Variants in ABTB2 observed in about 807,000 individuals in gnomAD.
The protein encoded by ABTB2 is ankyrin repeat and BTB domain containing 2, also known as ankyrin repeat and BTB/POZ domain-containing protein 2.
Under a neutral mutation model 104.1 loss-of-function variants are expected in ABTB2, and 56 were observed. The observed-to-expected ratio is 0.54, with a 90% CI of 0.43 to 0.67. ABTB2 has a LOEUF of 0.67. Among genes scored for constraint, ABTB2 ranks in the 30% least tolerant of loss-of-function variants. The probability of loss-of-function intolerance (pLI) is 0.00; values close to 1 mark genes in which losing one functional copy is unlikely to be tolerated. For synonymous variants in ABTB2, 606 were observed against 608.2 expected (o/e 1.00, Z 0.05); for missense variants, 1,279 against 1,407.7 (o/e 0.91, Z 1.46).
chr11:34,240,973 G>A (rs1853909256), intron 1 of ABTB2, among the ~76,000 whole-genome samples: 1 of 151,978 alleles, frequency 6.6e-6, no homozygotes, highest in Non-Finnish European at 1.5e-5. Context: ...CCTGAGAGAA[G>A]GGCTGAACTC....
Position 34,164,775 on chromosome 11 carries a change from G to A in ABTB2, c.1899C>T (p.Pro633=), listed in dbSNP as rs770117269. 3 of 1,573,530 alleles carry A rather than the reference G, an allele frequency of 1.9e-6. No homozygotes were observed. Among genetic ancestry groups the A allele is most frequent in the South Asian group, 2.4e-5 (2 of 84,216 alleles). ...VSLLLSRGAD[P]LLSMLEAHGM... ...CGTGGGCCTCCAGCATGCTGAGGAG[G>A]GGGTCGGCGCCTCGGCTCAGCAACA... Residue 633 remains proline (P), a synonymous_variant, in exon 9 of 17, where the codon CCC becomes CCT. Coordinates refer to ENST00000435224, the MANE Select transcript of ABTB2 (RefSeq NM_145804.3).
At chr11:34,332,187 C>T (rs374317223) in intron 1 of ABTB2, among the ~76,000 whole-genome samples, 15 of 152,280 alleles carry the variant, frequency 9.9e-5, no homozygotes, top group South Asian at 4.1e-4. Flanking sequence ...CAGCACTTAA[C>T]GTAAAGGAGG....
intron 1 of ABTB2, among the ~76,000 whole-genome samples, chr11:34,225,573 T>C (rs1238095962): frequency 6.6e-6 from 1 of 151,808 alleles, no homozygotes; most frequent in East Asian, 1.9e-4. Flanking sequence ...CTGACCAACA[T>C]GGAGAAACCC....
intron 1 of ABTB2, among the ~76,000 whole-genome samples, chr11:34,330,527 T>C (rs534502278): frequency 6.6e-6 from 1 of 152,390 alleles, no homozygotes; most frequent in South Asian, 2.1e-4. Flanking sequence ...GAAAGTGCTT[T>C]GTAAAAACCA....
At chr11:34,256,883 T>C (rs916110795) in intron 1 of ABTB2, among the ~76,000 whole-genome samples, 2 of 152,188 alleles carry the variant, frequency 1.3e-5, no homozygotes, top group Non-Finnish European at 2.9e-5. Flanking sequence ...TGGACTGTCA[T>C]GGCTGTGCAG....
At chr11:34,307,659 T>C (rs1854793764) in intron 1 of ABTB2, among the ~76,000 whole-genome samples, 1 of 152,108 alleles carries the variant, frequency 6.6e-6, no homozygotes, top group Non-Finnish European at 1.5e-5. Context: ...CTGATTCTTA[T>C]GTTAATGGTT....
chr11:34,230,619 G>T (rs1853756163), intron 1 of ABTB2, among the ~76,000 whole-genome samples: 2 of 152,080 alleles, frequency 1.3e-5, no homozygotes, highest in Non-Finnish European at 2.9e-5. Flanking sequence ...AGCATCTGTG[G>T]TCATTTATTT....
rs370881474 is a variant in ABTB2 at position 34,221,953 on chromosome 11, G to A, written c.884-17263C>T. On this transcript the variant is annotated intron_variant, in intron 1 of 16. Transcript: ENST00000435224. Reference sequence around the variant, plus strand: ...CTATCTACTTGGGAGGCTGAGGCAGGAGAATAGCTTGAACCTGGGAGGCGG... The same window carrying A: ...CTATCTACTTGGGAGGCTGAGGCAGAAGAATAGCTTGAACCTGGGAGGCGG... Among the ~76,000 whole-genome samples the A allele has an allele frequency of 5.3e-5, 8 of 152,292 alleles. No individual in the cohort carries two copies. The East Asian group carries it at 7.7e-4, about 15-fold the overall frequency.
intron 3 of ABTB2, among the ~76,000 whole-genome samples, chr11:34,184,753 C>G (rs1853075459): frequency 6.6e-6 from 1 of 152,254 alleles, no homozygotes; most frequent in Non-Finnish European, 1.5e-5. Flanking sequence ...GCCGGCATCT[C>G]TCCACCTCAT....
chr11:34,327,434 T>C (rs1855083545), intron 1 of ABTB2, among the ~76,000 whole-genome samples: 1 of 152,118 alleles, frequency 6.6e-6, no homozygotes, highest in African/African-American at 2.4e-5. Flanking sequence ...CCTAGCCACT[T>C]GAGGGCCCAG....
At chr11:34,175,929 C>T (rs1297100513) in intron 3 of ABTB2, among the ~76,000 whole-genome samples, 1 of 152,198 alleles carries the variant, frequency 6.6e-6, no homozygotes, top group Non-Finnish European at 1.5e-5. Context: ...TCCTTCAAGA[C>T]TCCATTCCAA....
At chr11:34,284,104 C>T (rs1296237586) in intron 1 of ABTB2, among the ~76,000 whole-genome samples, 1 of 152,172 alleles carries the variant, frequency 6.6e-6, no homozygotes, top group Non-Finnish European at 1.5e-5. Context: ...TTCTAACGAG[C>T]CCCCAGGTAA....
chr11:34,306,766 G>C (rs540232205), intron 1 of ABTB2, among the ~76,000 whole-genome samples: 1 of 151,738 alleles, frequency 6.6e-6, no homozygotes, highest in South Asian at 2.1e-4. Context: ...AGATTGGAAG[G>C]TACACCACTT....
chr11:34,234,547 A>G (rs551253016), intron 1 of ABTB2, among the ~76,000 whole-genome samples: 2 of 152,162 alleles, frequency 1.3e-5, no homozygotes, highest in African/African-American at 2.4e-5. Context: ...GAGAAATGCA[A>G]TTCTCTCCTG....
chr11:34,198,499 AC>A (rs1056460897), intron 2 of ABTB2, among the ~76,000 whole-genome samples: 1 of 151,792 alleles, frequency 6.6e-6, no homozygotes, highest in Admixed American at 6.6e-5. Flanking sequence ...ACATTTCCTG[AC>A]CCCATATATT....
chr11:34,304,614 G>A (rs1854748831), intron 1 of ABTB2, among the ~76,000 whole-genome samples: 1 of 152,032 alleles, frequency 6.6e-6, no homozygotes, highest in South Asian at 2.1e-4. Flanking sequence ...GAGCCCAGGA[G>A]TTTGAGACCA....
Position 34,357,898 on chromosome 11 carries a change from G to T in ABTB2, c.-315C>A. ...AGAGAGTCAGTCCTCCACAGAGAAG[G>T]AATCCCGGGAGAACAGGGCGGCGGC... is the stretch of plus-strand genomic sequence containing the variant. On this transcript the variant is annotated 5_prime_UTR_variant, in exon 1 of 17. Coordinates refer to ENST00000435224, the MANE Select transcript of ABTB2 (RefSeq NM_145804.3). The T allele has an allele frequency of 3.4e-6, 1 of 297,570 alleles. No homozygotes were observed. The highest frequency in any genetic ancestry group is 1.0e-4 in the South Asian group (1 of 9,944). The allele number at this position is 297,570 out of a possible 1,614,324, so 18.4% of individuals were successfully genotyped here.
chr11:34,166,832 C>G (rs114864241), intron 7 of ABTB2, among the ~76,000 whole-genome samples: 1 of 152,208 alleles, frequency 6.6e-6, no homozygotes, highest in Non-Finnish European at 1.5e-5. Context: ...CTCTCAGGAA[C>G]TAAGGAGGGG....
At chr11:34,182,271 A>G (rs1853036872) in intron 3 of ABTB2, among the ~76,000 whole-genome samples, 1 of 152,198 alleles carries the variant, frequency 6.6e-6, no homozygotes, top group African/African-American at 2.4e-5. Flanking sequence ...CCAAAGAAAC[A>G]TTTCTAGTCC....
Sources: allele counts gnomAD v4.1 joint callset (sites outside exome capture counted in the v4.1 genomes callset), GRCh38; gene constraint gnomAD v4.1.1; transcripts MANE v1.5; gene names NCBI Gene and HGNC (gene_info 2026-07-23, HGNC 2026-07-21).